Variants in FAM117B observed in about 807,000 individuals in gnomAD.
FAM117B encodes protein FAM117B.
In FAM117B, 22 loss-of-function variants were observed where a neutral mutation model predicts 52.8. The observed-to-expected ratio is 0.42, with a 90% CI of 0.30 to 0.59. The LOEUF (loss-of-function observed/expected upper bound fraction) is 0.59, where lower values mean the gene tolerates loss of function less well. Among genes scored for constraint, FAM117B ranks in the 20% least tolerant of loss-of-function variants. The probability of loss-of-function intolerance (pLI) is 0.22; values close to 1 mark genes in which losing one functional copy is unlikely to be tolerated. For synonymous variants in FAM117B, 309 were observed against 324.1 expected, an observed-to-expected ratio of 0.95 and a Z score of 0.50; for missense variants, 678 against 802.6, an observed-to-expected ratio of 0.84 and a Z score of 1.88.
chr2:202,757,701 T>C (rs970898221), intron 6 of FAM117B, among the ~76,000 whole-genome samples: 3 of 152,220 alleles, frequency 2.0e-5, no homozygotes, highest in Non-Finnish European at 4.4e-5. Context: ...GTGAGAAACA[T>C]TCTTTTTGGA....
At chr2:202,642,388 G>A (rs2105752194) in intron 1 of FAM117B, among the ~76,000 whole-genome samples, 1 of 148,524 alleles carries the variant, frequency 6.7e-6, no homozygotes, top group East Asian at 1.9e-4. Context: ...TGTGACTTGA[G>A]ATAGGAGAAA....
chr2:202,696,889 G>A (rs947902883), intron 2 of FAM117B, among the ~76,000 whole-genome samples: 4 of 152,082 alleles, frequency 2.6e-5, no homozygotes, highest in African/African-American at 4.8e-5. Flanking sequence ...GCAGCATGGC[G>A]AAACCTCATC....
Position 202,755,539 on chromosome 2 carries a change from C to T in FAM117B, c.962C>T (p.Ala321Val), listed in dbSNP as rs762372890. 3 of 1,613,410 alleles carry T rather than the reference C, an allele frequency of 1.9e-6. No homozygotes were observed. The highest frequency in any genetic ancestry group is 2.2e-5 in the East Asian group (1 of 44,864). The change falls in exon 5 of 8, where the codon GCT becomes GTT. Residue 321 changes from alanine (A) to valine (V), a missense_variant and splice_region_variant. By Grantham distance (64) the Ala-to-Val change is moderately conservative. Transcript: ENST00000392238. ...GNHAAINQCQ[A>V]PVPKSALIPV... is the part of the protein sequence containing the mutation. The stretch of plus-strand genomic sequence containing the variant: ...TCTTCTCCATCCCATTTTCTTAAGG[C>T]TCCTGTTCCAAAGAGTGCACTTATT...
At chr2:202,673,695 G>C (rs943752924) in intron 1 of FAM117B, among the ~76,000 whole-genome samples, 5 of 151,868 alleles carry the variant, frequency 3.3e-5, no homozygotes, top group African/African-American at 1.2e-4. Flanking sequence ...TGATCCGCCT[G>C]TCTCGGTCTC....
chr2:202,687,635 T>C (rs1574556091), intron 1 of FAM117B, among the ~76,000 whole-genome samples: 1 of 152,140 alleles, frequency 6.6e-6, no homozygotes, highest in Non-Finnish European at 1.5e-5. Context: ...TGTCTCAAAC[T>C]CCTAGCCACA....
intron 1 of FAM117B, among the ~76,000 whole-genome samples, chr2:202,688,701 T>A (rs1341572159): frequency 6.6e-6 from 1 of 152,196 alleles, no homozygotes; most frequent in Non-Finnish European, 1.5e-5. Flanking sequence ...TGTTTTTATC[T>A]TTTTTAGACT....
chr2:202,696,291 T>TC (rs1690710959), intron 2 of FAM117B, among the ~76,000 whole-genome samples: 1 of 152,158 alleles, frequency 6.6e-6, no homozygotes, highest in Non-Finnish European at 1.5e-5. Flanking sequence ...TACTTTTTTT[T>TC]CCCACTTATT....
chr2:202,675,463 A>AAAG (rs1390990190), intron 1 of FAM117B, among the ~76,000 whole-genome samples: 1 of 150,628 alleles, frequency 6.6e-6, no homozygotes, highest in Non-Finnish European at 1.5e-5. Flanking sequence ...AAAAAAAAAA[A>AAAG]AAAAAGGCCA....
intron 2 of FAM117B, among the ~76,000 whole-genome samples, chr2:202,718,012 A>T (rs192876478): frequency 9.7e-4 from 147 of 151,718 alleles, no homozygotes; most frequent in African/African-American, 2.9e-3. Flanking sequence ...AGTCCTTCCC[A>T]CTCTTTCCTC....
At chr2:202,675,547 T>C (rs537835635) in intron 1 of FAM117B, among the ~76,000 whole-genome samples, 6 of 152,160 alleles carry the variant, frequency 3.9e-5, no homozygotes, top group South Asian at 4.2e-4. Flanking sequence ...CCCTCATTTG[T>C]GGTGTTTAGC....
chr2:202,722,384 G>A (rs1340353800), intron 2 of FAM117B, among the ~76,000 whole-genome samples: 1 of 152,120 alleles, frequency 6.6e-6, no homozygotes, highest in African/African-American at 2.4e-5. Flanking sequence ...CGCATACTAT[G>A]CTGCTTATTC....
At chr2:202,757,550 G>A in intron 6 of FAM117B, 112 bp downstream of exon 6, 2 of 1,162,998 alleles carry the variant, frequency 1.7e-6, no homozygotes, top group South Asian at 1.5e-5. Flanking sequence ...CTCAGTTAAT[G>A]TGTTCAAAGC....
chr2:202,673,904 A>G (rs1690339394), intron 1 of FAM117B, among the ~76,000 whole-genome samples: 1 of 152,106 alleles, frequency 6.6e-6, no homozygotes, highest in Non-Finnish European at 1.5e-5. Context: ...ACGAGGTTAC[A>G]GTGTCTTCTA....
chr2:202,749,213 C>G (rs1691683340), intron 4 of FAM117B, among the ~76,000 whole-genome samples: 1 of 152,060 alleles, frequency 6.6e-6, no homozygotes, highest in Non-Finnish European at 1.5e-5. Flanking sequence ...AAAATAGCTC[C>G]TCACCCCAGG....
At position 202,726,310 on chromosome 2, in the gene FAM117B, A is replaced by G; in HGVS notation, c.907A>G (p.Lys303Glu). 6.2e-7 allele frequency: 1 copy of G among 1,614,000 alleles called. No homozygotes were observed. The highest frequency in any genetic ancestry group is 8.5e-7 in the Non-Finnish European group (1 of 1,179,974). Residue 303 changes from lysine to glutamate, a missense_variant, in exon 4 of 8, where the codon AAA becomes GAA. By Grantham distance (56) the Lys-to-Glu change is moderately conservative. Around this residue, in one of 3 missense-constraint regions of FAM117B, gnomAD observed 583 missense variants for 644.8 expected, o/e 0.90. Transcript: ENST00000392238. ...ACACAGCAGTCGGCATCATCGAGAT[A>G]AAGAAAGACAGTCTCCATTTCATGG... ...SKHSSRHHRD[K>E]ERQSPFHGNH...
chr2:202,738,587 A>G (rs1691476604), intron 4 of FAM117B, among the ~76,000 whole-genome samples: 1 of 152,230 alleles, frequency 6.6e-6, no homozygotes. Flanking sequence ...TGAAAATTTC[A>G]AAAGATAAAA....
rs147090240 is a variant in FAM117B, at chr2:202,698,572, G to A, written c.753+2540G>A. 4.5e-4 allele frequency among the ~76,000 whole-genome samples: 69 copies of A among 152,078 alleles called. No homozygotes were observed. The East Asian group carries it at 0.012, about 27-fold the overall frequency. On this transcript the variant is annotated intron_variant, in intron 2 of 7. Coordinates refer to ENST00000392238, the MANE Select transcript of FAM117B (RefSeq NM_173511.4). Reference sequence around the variant, plus strand: ...CAAGTAGCTGGGACTACAAGCGCACGCCACCACGCCTGGCTAATTTTTGTA... The same window carrying A: ...CAAGTAGCTGGGACTACAAGCGCACACCACCACGCCTGGCTAATTTTTGTA...
intron 2 of FAM117B, among the ~76,000 whole-genome samples, chr2:202,706,329 T>G (rs1025201077): frequency 6.6e-6 from 1 of 152,240 alleles, no homozygotes; most frequent in Non-Finnish European, 1.5e-5. Context: ...TTGATTTTGA[T>G]TAATATTTTA....
At chr2:202,739,020 C>T (rs1691483113) in intron 4 of FAM117B, among the ~76,000 whole-genome samples, 1 of 152,156 alleles carries the variant, frequency 6.6e-6, no homozygotes, top group Non-Finnish European at 1.5e-5. Context: ...AAAACCTTGT[C>T]TGTATTAACA....
Sources: allele counts gnomAD v4.1 joint callset (sites outside exome capture counted in the v4.1 genomes callset), GRCh38; gene constraint gnomAD v4.1.1; regional missense constraint gnomAD v4.1.1; transcripts MANE v1.5; gene names NCBI Gene and HGNC (gene_info 2026-07-23, HGNC 2026-07-21).